The following TMPRSS11E variants were observed in gnomAD, a reference collection of about 807,000 sequenced individuals.
The protein encoded by TMPRSS11E is transmembrane protease serine 11E.
Under a neutral mutation model 48.1 loss-of-function variants are expected in TMPRSS11E, and 38 were observed. That is an observed-to-expected ratio of 0.79 (90% CI 0.61 to 1.04). The LOEUF is 1.04. Ranked by LOEUF, TMPRSS11E falls within the 50% of genes least tolerant of loss-of-function variation. The pLI, the probability that TMPRSS11E is intolerant of heterozygous loss-of-function variation, is 0.00. For synonymous variants in TMPRSS11E, 158 were observed against 171.9 expected, an observed-to-expected ratio of 0.92 and a Z score of 0.63; for missense variants, 530 against 510.8, an observed-to-expected ratio of 1.04 and a Z score of -0.36.
In TMPRSS11E at chr4:68,452,645, G is replaced by T. The variant is rs541903568; in HGVS notation, c.11+5122G>T. 5.9e-5 allele frequency among the ~76,000 whole-genome samples: 9 copies of T among 152,024 alleles called. No individual in the cohort carries two copies. The South Asian group carries it at 1.9e-3, about 32-fold the overall frequency. ...AGGTCATGATTCTGGGATCAGAAGT[G>T]CTTCTTTGGTGAAGCACAGATAACT... is the stretch of plus-strand genomic sequence containing the variant. On this transcript the variant is annotated intron_variant, in intron 1 of 9. Coordinates refer to ENST00000305363, the MANE Select transcript of TMPRSS11E (RefSeq NM_014058.4).
Position 68,496,959 on chromosome 4 carries a change from C to A in TMPRSS11E, c.*155C>A. 1.3e-6 allele frequency: 1 copy of A among 760,032 alleles called. No individual in the cohort carries two copies. The highest frequency in any genetic ancestry group is 2.2e-6 in the Non-Finnish European group (1 of 463,048). 47.1% of individuals were successfully genotyped at this position (760,032 alleles called of 1,614,324 possible). A position where few individuals can be genotyped will look rare whatever the true frequency, so the allele number is the denominator to read the frequency against. ...CTTGATGCATGTATTTTCTTCCCAGCTCTGTTCCGCACATAAGCATCCTGC... is the reference window on the plus strand; with the variant it reads ...CTTGATGCATGTATTTTCTTCCCAGATCTGTTCCGCACATAAGCATCCTGC... On this transcript the variant is annotated 3_prime_UTR_variant, in exon 10 of 10. Coordinates refer to ENST00000305363, the MANE Select transcript of TMPRSS11E (RefSeq NM_014058.4).
intron 9 of TMPRSS11E, among the ~76,000 whole-genome samples, chr4:68,486,587 G>A (rs1387625726): frequency 6.6e-6 from 1 of 152,182 alleles, no homozygotes; most frequent in Non-Finnish European, 1.5e-5. Flanking sequence ...CCATACATAT[G>A]CAGATGAAAA....
At chr4:68,496,333 G>A (rs576475337) in intron 9 of TMPRSS11E, among the ~76,000 whole-genome samples, 1 of 152,052 alleles carries the variant, frequency 6.6e-6, no homozygotes, top group South Asian at 2.1e-4. Flanking sequence ...TAATTAGGGA[G>A]TTATTTTGTC....
chr4:68,457,212 A>G (rs1728656914), intron 1 of TMPRSS11E, among the ~76,000 whole-genome samples: 1 of 152,174 alleles, frequency 6.6e-6, no homozygotes, highest in Admixed American at 6.6e-5. Context: ...CAAGAAGAAA[A>G]CAACCCCATA....
At chr4:68,476,236 T>C (rs1431011676) in intron 6 of TMPRSS11E, 25 bp from the exon 7 acceptor site, 1 of 1,613,156 alleles carries the variant, frequency 6.2e-7, no homozygotes, top group East Asian at 2.2e-5. Context: ...CACCCACCAA[T>C]GCACCCCCCC....
At chr4:68,485,287 C>T (rs1729521163) in intron 9 of TMPRSS11E, among the ~76,000 whole-genome samples, 2 of 152,076 alleles carry the variant, frequency 1.3e-5, no homozygotes, top group South Asian at 4.1e-4. Context: ...GCTGGGATTA[C>T]AGGTGCCAAC....
intron 1 of TMPRSS11E, among the ~76,000 whole-genome samples, chr4:68,459,886 G>C (rs145807465): frequency 0.026 from 3,992 of 152,208 alleles, 173 homozygotes; most frequent in African/African-American, 0.091. Flanking sequence ...CAGATTAATA[G>C]CAAGCATTCA....
intron 1 of TMPRSS11E, among the ~76,000 whole-genome samples, chr4:68,458,348 T>TA (rs34327193): frequency 0.27 from 41,690 of 151,726 alleles, 6,012 homozygotes; most frequent in Admixed American, 0.33. Context: ...AATTTGGGGC[T>TA]AAAAAAACAA....
At chr4:68,496,577 G>T in intron 9 of TMPRSS11E, 66 bp from the exon 10 acceptor site, 1 of 1,475,298 alleles carries the variant, frequency 6.8e-7, no homozygotes, top group Non-Finnish European at 9.1e-7. Context: ...TCTTAAGTTA[G>T]AAAAATAGCC....
intron 9 of TMPRSS11E, among the ~76,000 whole-genome samples, chr4:68,490,590 C>A (rs1424539795): frequency 6.6e-6 from 1 of 151,918 alleles, no homozygotes; most frequent in Non-Finnish European, 1.5e-5. Flanking sequence ...TACTGCTCCC[C>A]TTTTGGCCTC....
chr4:68,479,073 C>T, intron 9 of TMPRSS11E, 82 bp downstream of exon 9: 1 of 1,540,740 alleles, frequency 6.5e-7, no homozygotes, highest in Non-Finnish European at 8.8e-7. Flanking sequence ...CAGGAAGTTG[C>T]AAAGATAGTA....
chr4:68,455,197 T>C (rs1035289117), intron 1 of TMPRSS11E, among the ~76,000 whole-genome samples: 1 of 151,974 alleles, frequency 6.6e-6, no homozygotes, highest in Non-Finnish European at 1.5e-5. Flanking sequence ...GACATTGTAG[T>C]CAACAGAAAA....
chr4:68,487,887 G>A (rs1729603589), intron 9 of TMPRSS11E, among the ~76,000 whole-genome samples: 1 of 145,578 alleles, frequency 6.9e-6, no homozygotes, highest in Non-Finnish European at 1.5e-5. Context: ...GTTACAGTGA[G>A]CTGAGATCAT....
chr4:68,463,740 T>C (rs1038962746), intron 2 of TMPRSS11E, among the ~76,000 whole-genome samples: 1 of 152,206 alleles, frequency 6.6e-6, no homozygotes, highest in Admixed American at 6.5e-5. Flanking sequence ...TACACACTTT[T>C]GTGTGTCTAG....
At chr4:68,464,108 C>G (rs1009963253) in intron 2 of TMPRSS11E, among the ~76,000 whole-genome samples, 1 of 152,170 alleles carries the variant, frequency 6.6e-6, no homozygotes, top group African/African-American at 2.4e-5. Context: ...ACACAGTACA[C>G]CTGAATAAAC....
Position 68,477,580 on chromosome 4 carries a change from C to A in TMPRSS11E, c.919C>A (p.Pro307Thr), listed in dbSNP as rs139089250. The A allele has an allele frequency of 4.3e-6, 7 of 1,613,976 alleles. No homozygotes were observed. The South Asian group carries it at 6.6e-5, about 15-fold the overall frequency. The part of the protein sequence containing the change: ...CLPDASYEFQ[P>T]GDVMFVTGFG... ...CCCTGATGCATCCTATGAGTTTCAACCAGGTGATGTGATGTTTGTGACAGG... is the reference window on the plus strand; with the variant it reads ...CCCTGATGCATCCTATGAGTTTCAAACAGGTGATGTGATGTTTGTGACAGG... Residue 307 changes from proline (P) to threonine (T), a missense_variant, in exon 8 of 10, where the codon CCA becomes ACA. By Grantham distance (38) the Pro-to-Thr change is conservative. Coordinates refer to ENST00000305363, the MANE Select transcript of TMPRSS11E (RefSeq NM_014058.4).
intron 1 of TMPRSS11E, among the ~76,000 whole-genome samples, chr4:68,458,143 G>A (rs1248971121): frequency 6.6e-6 from 1 of 152,014 alleles, no homozygotes; most frequent in Non-Finnish European, 1.5e-5. Flanking sequence ...GCTTCTTCTG[G>A]TAAATTTTTC....
At chr4:68,474,799 A>G (rs201785220) in intron 6 of TMPRSS11E, 38 bp downstream of exon 6, 13 of 1,555,762 alleles carry the variant, frequency 8.4e-6, no homozygotes, top group Middle Eastern at 1.7e-4. Flanking sequence ...CATTACCTGA[A>G]GGTAAAAAGC....
chr4:68,466,753 G>T lies in TMPRSS11E; in HGVS notation c.258+1G>T, dbSNP rs1324516511. On this transcript the variant is annotated splice_donor_variant, in intron 3 of 9. Transcript: ENST00000305363. LOFTEE classifies it high-confidence loss of function. ...AATGAGCCAGAGACTTGAATCAATG[G>T]TAAGCAACTTGTCATCTACTTCTAG... 6.2e-7 allele frequency: 1 copy of T among 1,613,328 alleles called. No homozygotes were observed. Among genetic ancestry groups the T allele is most frequent in the Non-Finnish European group, 8.5e-7 (1 of 1,179,532 alleles).
Sources: allele counts gnomAD v4.1 joint callset (sites outside exome capture counted in the v4.1 genomes callset), GRCh38; gene constraint gnomAD v4.1.1; transcripts MANE v1.5; gene names NCBI Gene and HGNC (gene_info 2026-07-23, HGNC 2026-07-21).